The following ACYP2 variants were observed in gnomAD, a reference collection of about 807,000 sequenced individuals.
ACYP2 encodes the protein acylphosphatase 2.
Under a neutral mutation model 11.2 loss-of-function variants are expected in ACYP2, and 12 were observed. The observed-to-expected ratio is 1.08, with a 90% CI of 0.69 to 1.74. ACYP2 has a LOEUF of 1.74. Among genes scored for constraint, ACYP2 ranks in the 40% most tolerant of loss-of-function variants. ACYP2 has a pLI of 0.00. For missense variants in ACYP2, 134 were observed against 101.9 expected, an observed-to-expected ratio of 1.31 and a Z score of -1.35; for synonymous variants, 43 against 32.2, an observed-to-expected ratio of 1.33 and a Z score of -1.13.
At chr2:54,001,332 C>T (rs867883213) in intron 2 of ACYP2, among the ~76,000 whole-genome samples, 14 of 152,196 alleles carry the variant, frequency 9.2e-5, no homozygotes, top group South Asian at 8.3e-4. Flanking sequence ...TGAATAGCCG[C>T]TGCACCCCAG....
intron 6 of ACYP2, among the ~76,000 whole-genome samples, chr2:54,182,086 G>GTTTT: frequency 7.8e-6 from 1 of 127,750 alleles, no homozygotes; most frequent in Non-Finnish European, 1.6e-5. Context: ...TTGAGACGGA[G>GTTTT]TTTTGCTTTT....
intron 6 of ACYP2, among the ~76,000 whole-genome samples, chr2:54,252,077 C>G (rs752427038): frequency 6.6e-6 from 1 of 152,176 alleles, no homozygotes; most frequent in African/African-American, 2.4e-5. Flanking sequence ...ATCTCAGACC[C>G]GTCACTGTCC....
Position 54,050,946 on chromosome 2 carries a change from C to T in ACYP2, c.63-12C>T, listed in dbSNP as rs1325546963. Reference sequence around the variant, plus strand: ...TGCACCCAACTAATTAAATTTTTTTCTTTTTTTGTAGATACAAGGTCTCGC... The same window carrying T: ...TGCACCCAACTAATTAAATTTTTTTTTTTTTTTGTAGATACAAGGTCTCGC... On this transcript the variant is annotated splice_polypyrimidine_tract_variant and intron_variant, in intron 2 of 6. Transcript: ENST00000607452. 2 of 406,622 alleles carry T rather than the reference C, an allele frequency of 4.9e-6. No homozygotes were observed. The highest frequency in any genetic ancestry group is 4.1e-5 in the African/African-American group (2 of 48,596). 25.2% of individuals were successfully genotyped at this position (406,622 alleles called of 1,614,324 possible).
chr2:54,041,013 C>T (rs760903226), intron 2 of ACYP2, among the ~76,000 whole-genome samples: 39 of 152,162 alleles, frequency 2.6e-4, no homozygotes, highest in Non-Finnish European at 4.3e-4. Flanking sequence ...GGAGTGATGT[C>T]CTTGAGTAGG....
At chr2:54,046,483 A>T (rs1430771541) in intron 2 of ACYP2, among the ~76,000 whole-genome samples, 6 of 112,648 alleles carry the variant, frequency 5.3e-5, no homozygotes, top group Non-Finnish European at 7.3e-5. Context: ...AAGACTGTCT[A>T]AAAAAAAAAA....
chr2:54,029,509 TC>T, intron 2 of ACYP2: 1 of 384,238 alleles, frequency 2.6e-6, no homozygotes. Flanking sequence ...GGGAAGTGGT[TC>T]CAGCAACTCA....
chr2:54,195,138 G>A (rs1558603008), intron 6 of ACYP2, among the ~76,000 whole-genome samples: 1 of 152,128 alleles, frequency 6.6e-6, no homozygotes, highest in Admixed American at 6.6e-5. Context: ...TCTGCCTACA[G>A]GGTGTTTCTC....
At chr2:54,060,750 TAA>T in intron 4 of ACYP2, among the ~76,000 whole-genome samples, 1 of 152,354 alleles carries the variant, frequency 6.6e-6, no homozygotes, top group East Asian at 1.9e-4. Flanking sequence ...CAAATGCTTC[TAA>T]GTCCTCAGCC....
intron 2 of ACYP2, among the ~76,000 whole-genome samples, chr2:54,003,828 C>T (rs185892284): frequency 8.5e-5 from 13 of 152,278 alleles, no homozygotes; most frequent in African/African-American, 1.7e-4. Context: ...TCTTCCAAAG[C>T]GCCTATGCCA....
intron 4 of ACYP2, among the ~76,000 whole-genome samples, chr2:54,084,160 A>C (rs1677819584): frequency 6.6e-6 from 1 of 152,228 alleles, no homozygotes; most frequent in Non-Finnish European, 1.5e-5. Flanking sequence ...CTGATAAATA[A>C]GGTTCTACTA....
chr2:54,065,784 T>G (rs1676713758), intron 4 of ACYP2: 1 of 325,200 alleles, frequency 3.1e-6, no homozygotes, highest in South Asian at 1.6e-4. Flanking sequence ...TTAAGAGCAT[T>G]GTTTAAATGT....
chr2:54,170,916 C>G (rs371933087), intron 6 of ACYP2, among the ~76,000 whole-genome samples: 32 of 152,220 alleles, frequency 2.1e-4, no homozygotes, highest in African/African-American at 7.5e-4. Flanking sequence ...TCCTCACTGC[C>G]CCTGTGAGGT....
intron 6 of ACYP2, among the ~76,000 whole-genome samples, chr2:54,279,806 A>T (rs900514581): frequency 1.3e-5 from 2 of 152,214 alleles, no homozygotes; most frequent in African/African-American, 4.8e-5. Flanking sequence ...ACGGAATTGT[A>T]ATCATTTGCC....
At chr2:54,275,553 A>G (rs1054673392) in intron 6 of ACYP2, among the ~76,000 whole-genome samples, 3 of 152,190 alleles carry the variant, frequency 2.0e-5, no homozygotes, top group Non-Finnish European at 4.4e-5. Flanking sequence ...TCAGGGAATA[A>G]TTTAGGAATG....
chr2:54,123,529 A>C, intron 4 of ACYP2: 1 of 397,592 alleles, frequency 2.5e-6, no homozygotes, highest in Non-Finnish European at 4.4e-6. Context: ...TAGTATATTC[A>C]CAATGTTTTG....
intron 6 of ACYP2, among the ~76,000 whole-genome samples, chr2:54,252,688 G>C (rs934504530): frequency 1.3e-5 from 2 of 152,096 alleles, no homozygotes; most frequent in Admixed American, 6.5e-5. Flanking sequence ...CGGATCACAA[G>C]GTCAGGAGAT....
intron 6 of ACYP2, among the ~76,000 whole-genome samples, chr2:54,186,193 A>C (rs1278043560): frequency 6.6e-6 from 1 of 152,180 alleles, no homozygotes; most frequent in Non-Finnish European, 1.5e-5. Flanking sequence ...AATGTCATTG[A>C]GTAATTGTTC....
chr2:53,985,361 C>G (rs952369120), intron 2 of ACYP2, among the ~76,000 whole-genome samples: 3 of 152,128 alleles, frequency 2.0e-5, no homozygotes, highest in African/African-American at 7.2e-5. Context: ...GCCGCTGCAC[C>G]TGGCCAGGAT....
chr2:54,086,442 G>T (rs1272219918), intron 4 of ACYP2, among the ~76,000 whole-genome samples: 1 of 152,174 alleles, frequency 6.6e-6, no homozygotes, highest in Non-Finnish European at 1.5e-5. Flanking sequence ...TGTTCCCTTG[G>T]CTCATGAGTC....
Sources: gnomAD v4.1 joint callset for allele counts (sites outside exome capture counted in the v4.1 genomes callset) on GRCh38, gnomAD v4.1.1 for gene constraint, MANE v1.5 for transcripts, NCBI Gene and HGNC (gene_info 2026-07-23, HGNC 2026-07-21) for gene names.